The following P3H1 variants were observed in gnomAD, a reference collection of about 807,000 sequenced individuals.
P3H1 encodes prolyl 3-hydroxylase 1, also known as growth suppressor 1.
P3H1 carries 69 observed loss-of-function variants against 84.0 expected under a neutral mutation model. The observed-to-expected ratio is 0.82, with a 90% CI of 0.68 to 1.00. The LOEUF (loss-of-function observed/expected upper bound fraction) is 1.00, where lower values mean the gene tolerates loss of function less well. Among genes scored for constraint, P3H1 ranks in the 50% least tolerant of loss-of-function variants. P3H1 has a pLI of 0.00. For synonymous variants in P3H1, 366 were observed against 388.8 expected (o/e 0.94, Z 0.69); for missense variants, 878 against 962.8 (o/e 0.91, Z 1.17).
At chr1:42,748,101 C>G (rs898315008) in intron 12 of P3H1, 99 bp downstream of exon 12, 2 of 873,062 alleles carry the variant, frequency 2.3e-6, no homozygotes, top group African/African-American at 3.3e-5. Flanking sequence ...TAGCCCCAAC[C>G]AGTGTGTGTG....
rs1652262115 is a variant in P3H1 at position 42,754,222 on chromosome 1, A to C, written c.1345+647T>G. ...CCAGACGGGGAAAGGGTGGGTGCAG[A>C]TAGGAGGTGCCAGGGCCTGAAGGAA... On this transcript the variant is annotated intron_variant, in intron 8 of 14. Coordinates refer to ENST00000296388, the MANE Select transcript of P3H1 (RefSeq NM_022356.4). This position sits in a 1 kb window ranked among gnomAD's most constrained non-coding sequence, Gnocchi z 4.0. Among the ~76,000 whole-genome samples, 1 of 152,138 alleles carries C rather than the reference A, an allele frequency of 6.6e-6. No individual in the cohort carries two copies. The highest frequency in any genetic ancestry group is 1.5e-5 in the Non-Finnish European group (1 of 68,024).
rs147230023 is a variant in P3H1, at chr1:42,752,599, G to C, written c.1411C>G (p.Arg471Gly). The C allele has an allele frequency of 9.9e-6, 16 of 1,614,014 alleles. No homozygotes were observed. Among genetic ancestry groups the C allele is most frequent in the Non-Finnish European group, 1.3e-5 (15 of 1,180,010 alleles). The stretch of plus-strand genomic sequence containing the variant: ...GAGATTACGCCGTCCATCACCACCC[G>C]CTGGGAACCATTCAGGAGTTTGGAG... ...MNSKLLNGSQ[R>G]VVMDGVISDH... Residue 471 changes from arginine to glycine, a missense_variant, in exon 9 of 15, where the codon CGG (arginine) becomes GGG (glycine). Physicochemically the swap from Arg to Gly is moderately radical, Grantham distance 125 (BLOSUM62 -2). Transcript: ENST00000296388.
At chr1:42,765,781 T>A (rs1652954511) in intron 1 of P3H1, among the ~76,000 whole-genome samples, 1 of 151,866 alleles carries the variant, frequency 6.6e-6, no homozygotes, top group East Asian at 1.9e-4. Flanking sequence ...AGCATCTACC[T>A]GACAAGATAT....
In P3H1 at chr1:42,747,308, G is replaced by A; in HGVS notation, c.2019C>T (p.Ala673=). 1 of 1,612,964 alleles carries A rather than the reference G, an allele frequency of 6.2e-7. No individual in the cohort carries two copies. The highest frequency in any genetic ancestry group is 8.5e-7 in the Non-Finnish European group (1 of 1,179,222). ...GTCGAGGGTCCAGGGTGAACCACAG[G>A]GCGATGGCACAGCGCTGCCCCCTGG... The part of the protein sequence containing the change: ...AVTRGQRCAI[A]LWFTLDPRHS... Residue 673 remains alanine, a synonymous_variant, in exon 14 of 15, where the codon GCC becomes GCT. Coordinates refer to ENST00000296388, the MANE Select transcript of P3H1 (RefSeq NM_022356.4).
intron 10 of P3H1, among the ~76,000 whole-genome samples, chr1:42,750,838 C>T (rs1209532057): frequency 4.1e-5 from 6 of 145,688 alleles, no homozygotes; most frequent in African/African-American, 1.3e-4. Flanking sequence ...GCCCCCTGCC[C>T]GGCCAGCCGC....
chr1:42,749,639 G>T (rs1048161166), intron 11 of P3H1, among the ~76,000 whole-genome samples: 1 of 152,188 alleles, frequency 6.6e-6, no homozygotes, highest in Non-Finnish European at 1.5e-5. Flanking sequence ...TAGTTCCCCT[G>T]ACTACCAGGC....
Position 42,755,533 on chromosome 1 carries a change from T to C in P3H1, c.1170+15A>G. 6.2e-7 allele frequency: 1 copy of C among 1,604,986 alleles called. No individual in the cohort carries two copies. The highest frequency in any genetic ancestry group is 8.5e-7 in the Non-Finnish European group (1 of 1,171,972). On this transcript the variant is annotated intron_variant, in intron 6 of 14. Coordinates refer to ENST00000296388, the MANE Select transcript of P3H1 (RefSeq NM_022356.4). ...TCTTTCCCCGCTCCCTTCCGGCTCC[T>C]GTACCCTAGCTCACCGGATCCACAA...
At position 42,752,536 on chromosome 1, in the gene P3H1, C is replaced by T; in HGVS notation, c.1473+1G>A. 1 of 1,614,112 alleles carries T rather than the reference C, an allele frequency of 6.2e-7. No individual in the cohort carries two copies. The highest frequency in any genetic ancestry group is 8.5e-7 in the Non-Finnish European group (1 of 1,180,012). On this transcript the variant is annotated splice_donor_variant, in intron 9 of 14. Coordinates refer to ENST00000296388, the MANE Select transcript of P3H1 (RefSeq NM_022356.4). LOFTEE classifies it high-confidence loss of function. ...AGGTGCAGTCACTGGGCTTCCCTTACATTGGTCAGTCTCTGCAGCTCCTGA... is the reference window on the plus strand; with the variant it reads ...AGGTGCAGTCACTGGGCTTCCCTTATATTGGTCAGTCTCTGCAGCTCCTGA...
rs6700677 is a variant in P3H1 at position 42,757,818 on chromosome 1, C to T, written c.1045G>A (p.Gly349Arg). 71,759 of 1,614,128 alleles carry T rather than the reference C, an allele frequency of 0.044. 1,950 individuals carry two copies. Among genetic ancestry groups the T allele is most frequent in the African/African-American group, 0.11 (8,246 of 75,006 alleles). ...QNLAYYAAML[G>R]EEHTRSIGPR... ...CCGATGGATCTGGTGTGTTCTTCTC[C>T]AAGCATAGCTGCATAATAGGCCAAA... Residue 349 changes from glycine (G) to arginine (R), a missense_variant, in exon 5 of 15, where the codon GGA (glycine) becomes AGA (arginine). Coordinates refer to ENST00000296388, the MANE Select transcript of P3H1 (RefSeq NM_022356.4).
At position 42,747,399 on chromosome 1, in the gene P3H1, G is replaced by A. The variant is rs1651788818; in HGVS notation, c.1928C>T (p.Pro643Leu). 1 of 1,611,218 alleles carries A rather than the reference G, an allele frequency of 6.2e-7. No individual in the cohort carries two copies. The highest frequency in any genetic ancestry group is 8.5e-7 in the Non-Finnish European group (1 of 1,178,972). ...GAATCCCACGGCTCTTCCACACTGA[G>A]GCTGCACCTCTGCCTAAGGGGGACA... ...DAKTVTAEVQ[P>L]QCGRAVGFSS... is the part of the protein sequence containing the mutation. The change falls in exon 14 of 15, where the codon CCT becomes CTT. Residue 643 changes from proline (P) to leucine (L), a missense_variant. By Grantham distance (98) the Pro-to-Leu change is moderately conservative. Coordinates refer to ENST00000296388, the MANE Select transcript of P3H1 (RefSeq NM_022356.4).
intron 5 of P3H1, among the ~76,000 whole-genome samples, chr1:42,757,007 C>A (rs1211754500): frequency 3.3e-5 from 5 of 152,214 alleles, no homozygotes; most frequent in Admixed American, 6.5e-5. Context: ...AAGGGGACTT[C>A]TAGTTAAAAA....
intron 2 of P3H1, chr1:42,761,459 T>C (rs1335709324): frequency 6.6e-6 from 1 of 152,146 alleles, no homozygotes; most frequent in Non-Finnish European, 1.5e-5. Flanking sequence ...AAAACATACA[T>C]GACCAAAAAA....
intron 1 of P3H1, among the ~76,000 whole-genome samples, chr1:42,764,067 T>G (rs966974634): frequency 1.3e-4 from 20 of 150,652 alleles, no homozygotes; most frequent in African/African-American, 4.9e-4. Flanking sequence ...GAGGCGGAGG[T>G]TGCAGTGAGC....
chr1:42,756,738 G>A (rs557085715), intron 5 of P3H1, among the ~76,000 whole-genome samples: 1 of 152,282 alleles, frequency 6.6e-6, no homozygotes, highest in Non-Finnish European at 1.5e-5. Flanking sequence ...GATTTACTGA[G>A]TGTCAGCCAT....
At chr1:42,747,171 C>T (rs749213711) in intron 14 of P3H1, 101 bp downstream of exon 14, 2 of 1,614,184 alleles carry the variant, frequency 1.2e-6, no homozygotes. Flanking sequence ...GTGTCTCAGC[C>T]ACTGGCAATG....
chr1:42,763,045 A>G (rs114446400), intron 1 of P3H1, among the ~76,000 whole-genome samples: 5,397 of 152,074 alleles, frequency 0.035, 139 homozygotes, highest in South Asian at 0.074. Flanking sequence ...AGATGGTGCC[A>G]CAGCACTCCA....
At chr1:42,748,834 G>A (rs1050094333) in intron 11 of P3H1, 2 of 228,472 alleles carry the variant, frequency 8.8e-6, no homozygotes, top group African/African-American at 2.2e-5. Context: ...GGAACAGACC[G>A]GGCTCACTGT....
Position 42,766,663 on chromosome 1 carries a change from G to C in P3H1, c.309C>G (p.Ala103=). Residue 103 remains alanine, a synonymous_variant, in exon 1 of 15, where the codon GCC becomes GCG. Transcript: ENST00000296388. ...CCCCGAAGAAGCTCAGGTCGCGCAG[G>C]GCGGCGGCGCCCGAGGCCTGGGCCG... ...PSPAQASGAA[A]LRDLSFFGGL... The C allele has an allele frequency of 6.5e-7, 1 of 1,542,210 alleles. No homozygotes were observed. Among genetic ancestry groups the C allele is most frequent in the Non-Finnish European group, 8.7e-7 (1 of 1,144,902 alleles).
At chr1:42,747,043 C>T (rs188530108) in intron 14 of P3H1, 191 bp from the exon 15 acceptor site, 52 of 1,614,182 alleles carry the variant, frequency 3.2e-5, no homozygotes, top group East Asian at 3.1e-4. Context: ...AACTCAGCAT[C>T]GCTCCCTGTC....
Sources: allele counts gnomAD v4.1 joint callset (sites outside exome capture counted in the v4.1 genomes callset), GRCh38; gene constraint gnomAD v4.1.1; non-coding constraint Gnocchi (gnomAD v3.1); transcripts MANE v1.5; gene names NCBI Gene and HGNC (gene_info 2026-07-23, HGNC 2026-07-21).